The following PAPPA2 variants were observed in gnomAD, a reference collection of about 807,000 sequenced individuals.
PAPPA2 encodes the protein pappalysin-2.
PAPPA2 carries 86 observed loss-of-function variants against 176.4 expected under a neutral mutation model. The observed-to-expected ratio is 0.49, with a 90% CI of 0.41 to 0.58. PAPPA2 has a LOEUF of 0.58. Among genes scored for constraint, PAPPA2 ranks in the 20% least tolerant of loss-of-function variants. The pLI is 0.00. For missense variants in PAPPA2, 2,073 were observed against 2,256.9 expected, an observed-to-expected ratio of 0.92 and a Z score of 1.65; for synonymous variants, 809 against 852.2, an observed-to-expected ratio of 0.95 and a Z score of 0.88.
intron 21 of PAPPA2, among the ~76,000 whole-genome samples, chr1:176,813,285 A>G (rs1666247125): frequency 6.6e-6 from 1 of 152,040 alleles, no homozygotes; most frequent in South Asian, 2.1e-4. Flanking sequence ...AGAATGACAT[A>G]TTTTTCTGGA....
At chr1:176,481,952 T>G (rs1652423366) in intron 1 of PAPPA2, among the ~76,000 whole-genome samples, 1 of 152,118 alleles carries the variant, frequency 6.6e-6, no homozygotes, top group South Asian at 2.1e-4. Context: ...CCTCAAGTGA[T>G]CCACCTGCCT....
intron 7 of PAPPA2, 149 bp downstream of exon 7, chr1:176,696,008 T>G (rs1193675577): frequency 4.3e-6 from 4 of 935,886 alleles, no homozygotes; most frequent in East Asian, 2.7e-5. Context: ...GTGTGTGTGT[T>G]TTGCTGGATA....
chr1:176,501,836 G>A (rs1013569951), intron 1 of PAPPA2, among the ~76,000 whole-genome samples: 1 of 152,112 alleles, frequency 6.6e-6, no homozygotes. Flanking sequence ...CCATCACAGC[G>A]AGTCACCGTG....
chr1:176,781,792 A>C (rs572005735), intron 17 of PAPPA2, among the ~76,000 whole-genome samples: 339 of 152,252 alleles, frequency 2.2e-3, no homozygotes, highest in African/African-American at 7.9e-3. Flanking sequence ...CCTGAGATTT[A>C]TTTCTAACAA....
Position 176,632,561 on chromosome 1 carries a change from A to C in PAPPA2, c.1991+36966A>C, listed in dbSNP as rs184375316. Among the ~76,000 whole-genome samples the C allele has an allele frequency of 1.3e-3, 198 of 152,200 alleles. 1 individual carries two copies. Among genetic ancestry groups the C allele is most frequent in the African/African-American group, 4.3e-3 (180 of 41,520 alleles). ...ATAAAAAATAAAAAAGAAAGTGAAG[A>C]CTGACAGTGCTAATAGTAGTCTAGT... On this transcript the variant is annotated intron_variant, in intron 3 of 22. Coordinates refer to ENST00000367662, the MANE Select transcript of PAPPA2 (RefSeq NM_020318.3).
chr1:176,673,405 T>G (rs1659114719), intron 4 of PAPPA2, among the ~76,000 whole-genome samples: 1 of 152,114 alleles, frequency 6.6e-6, no homozygotes, highest in East Asian at 1.9e-4. Flanking sequence ...TATAACACTG[T>G]AAGAAAATAT....
Position 176,594,957 on chromosome 1 carries a change from G to A in PAPPA2, c.1353G>A (p.Ala451=), listed in dbSNP as rs766792383. The A allele has an allele frequency of 6.8e-6, 11 of 1,614,188 alleles. No individual in the cohort carries two copies. The highest frequency in any genetic ancestry group is 2.2e-5 in the East Asian group (1 of 44,880). ...AGCATTCAAGTGGGGAGGAGGAAGC[G>A]ACTGACTTGGTCCTGACAGCGAGCT... ...SSQHSSGEEE[A]TDLVLTASFE... The change falls in exon 3 of 23, where the codon GCG becomes GCA. Residue 451 remains alanine, a synonymous_variant. Coordinates refer to ENST00000367662, the MANE Select transcript of PAPPA2 (RefSeq NM_020318.3).
intron 21 of PAPPA2, among the ~76,000 whole-genome samples, chr1:176,819,217 T>A (rs1333817793): frequency 6.6e-6 from 1 of 152,118 alleles, no homozygotes; most frequent in African/African-American, 2.4e-5. Context: ...CACTTGACCA[T>A]GATAGAGAAA....
intron 1 of PAPPA2, among the ~76,000 whole-genome samples, chr1:176,473,742 G>A (rs1301048147): frequency 6.6e-6 from 1 of 152,168 alleles, no homozygotes; most frequent in East Asian, 1.9e-4. Context: ...GTATGTAGTG[G>A]TATCTCATTG....
At chr1:176,466,342 C>A (rs1003244457) in intron 1 of PAPPA2, among the ~76,000 whole-genome samples, 1 of 152,100 alleles carries the variant, frequency 6.6e-6, no homozygotes, top group Admixed American at 6.6e-5. Flanking sequence ...ATTTTTGATT[C>A]TCTTTCTATA....
At chr1:176,564,246 G>A (rs566830397) in intron 2 of PAPPA2, among the ~76,000 whole-genome samples, 136 of 152,282 alleles carry the variant, frequency 8.9e-4, no homozygotes, top group Non-Finnish European at 1.6e-3. Flanking sequence ...CATAATTCAA[G>A]TTGCAAGACT....
In PAPPA2 at chr1:176,556,968, T is replaced by A; in HGVS notation, c.646T>A (p.Ser216Thr). The change falls in exon 2 of 23, where the codon TCT becomes ACT. Residue 216 changes from serine (S) to threonine (T), a missense_variant. Physicochemically the swap from Ser to Thr is moderately conservative, Grantham distance 58. This residue lies in a region of PAPPA2 where 1,196 missense variants were observed against 1,330.4 expected (regional missense o/e 0.90). Coordinates refer to ENST00000367662, the MANE Select transcript of PAPPA2 (RefSeq NM_020318.3). ...AGATGGGCAGGGAGACTCCGGTATC[T>A]CTTCACATTTCCAACCTTGGCCCAA... ...AEDGQGDSGI[S>T]SHFQPWPKHS... 1.2e-6 allele frequency: 2 copies of A among 1,613,936 alleles called. No homozygotes were observed. Among genetic ancestry groups the A allele is most frequent in the Non-Finnish European group, 1.7e-6 (2 of 1,179,968 alleles).
At chr1:176,669,670 T>C (rs926332164) in intron 3 of PAPPA2, among the ~76,000 whole-genome samples, 2 of 152,198 alleles carry the variant, frequency 1.3e-5, no homozygotes, top group Non-Finnish European at 2.9e-5. Flanking sequence ...TAAACATCTT[T>C]GTTTCTAAAG....
intron 3 of PAPPA2, among the ~76,000 whole-genome samples, chr1:176,607,826 G>A (rs1352108356): frequency 1.3e-5 from 2 of 152,050 alleles, no homozygotes; most frequent in Non-Finnish European, 2.9e-5. Context: ...TTTTATTAGT[G>A]TACTTTTAAT....
intron 1 of PAPPA2, among the ~76,000 whole-genome samples, chr1:176,495,221 G>A (rs1647536315): frequency 6.6e-6 from 1 of 152,098 alleles, no homozygotes; most frequent in Non-Finnish European, 1.5e-5. Context: ...ACCCTATCAG[G>A]TAGGTTTACT....
At chr1:176,703,473 C>T (rs949532109) in intron 9 of PAPPA2, among the ~76,000 whole-genome samples, 1 of 152,200 alleles carries the variant, frequency 6.6e-6, no homozygotes, top group African/African-American at 2.4e-5. Context: ...CTTTAATGCT[C>T]ATCTATTTGT....
chr1:176,670,114 A>G (rs1658902616), intron 3 of PAPPA2, among the ~76,000 whole-genome samples: 2 of 152,188 alleles, frequency 1.3e-5, no homozygotes, highest in Admixed American at 6.5e-5. Flanking sequence ...TTCAGTGAGA[A>G]CAGCAAGGCC....
At chr1:176,817,713 C>G (rs2102969959) in intron 21 of PAPPA2, among the ~76,000 whole-genome samples, 1 of 146,072 alleles carries the variant, frequency 6.8e-6, no homozygotes, top group African/African-American at 2.6e-5. Context: ...ATGTTGAATG[C>G]CATTAACCTC....
intron 1 of PAPPA2, among the ~76,000 whole-genome samples, chr1:176,539,280 A>T (rs560548368): frequency 1.3e-5 from 2 of 152,258 alleles, no homozygotes; most frequent in East Asian, 3.9e-4. Context: ...AATAAATTGT[A>T]TGGGGTCCAG....
Sources: allele counts gnomAD v4.1 joint callset (sites outside exome capture counted in the v4.1 genomes callset), GRCh38; gene constraint gnomAD v4.1.1; regional missense constraint gnomAD v4.1.1; transcripts MANE v1.5; gene names NCBI Gene and HGNC (gene_info 2026-07-23, HGNC 2026-07-21).